The following SLC35F3 variants were observed in gnomAD, a reference collection of about 807,000 sequenced individuals.
SLC35F3 encodes the protein putative thiamine transporter SLC35F3.
A neutral mutation model predicts 49.9 loss-of-function variants in SLC35F3; 25 were observed. That is an observed-to-expected ratio of 0.50 (90% CI 0.37 to 0.70). The LOEUF (loss-of-function observed/expected upper bound fraction) is 0.70. Ranked by LOEUF, SLC35F3 falls within the 30% of genes least tolerant of loss-of-function variation. The probability of loss-of-function intolerance (pLI) is 0.00; values close to 1 mark genes in which losing one functional copy is unlikely to be tolerated. For missense variants in SLC35F3, 525 were observed against 639.8 expected (o/e 0.82, Z 1.94); for synonymous variants, 275 against 265.4 (o/e 1.04, Z -0.35).
At chr1:233,918,333 A>G (rs959439676) in intron 2 of SLC35F3, among the ~76,000 whole-genome samples, 2 of 152,170 alleles carry the variant, frequency 1.3e-5, no homozygotes, top group Non-Finnish European at 2.9e-5. Flanking sequence ...GCTGTGTGTG[A>G]TAACAGTTAT....
rs914314545 is a variant in SLC35F3, at chr1:234,174,918, A to G, written c.284-56499A>G. On this transcript the variant is annotated intron_variant, in intron 2 of 7. Transcript: ENST00000366618. The stretch of plus-strand genomic sequence containing the variant: ...TGTTAGGCAGGGAATGAAGGAGAGA[A>G]GGCTGAGATCTGCATCCAACAAAGA... 2.6e-5 allele frequency among the ~76,000 whole-genome samples: 4 copies of G among 152,374 alleles called. No individual in the cohort carries two copies. The East Asian group carries it at 7.7e-4, about 29-fold the overall frequency.
At chr1:234,249,996 C>T (rs931836026) in intron 3 of SLC35F3, among the ~76,000 whole-genome samples, 1 of 152,026 alleles carries the variant, frequency 6.6e-6, no homozygotes, top group East Asian at 1.9e-4. Context: ...TACAGTATGC[C>T]GTGTCTCCCA....
At chr1:234,108,301 A>ATAT (rs1572054670) in intron 2 of SLC35F3, among the ~76,000 whole-genome samples, 12 of 121,054 alleles carry the variant, frequency 9.9e-5, no homozygotes, top group South Asian at 4.8e-4. Context: ...ATAAAGATAT[A>ATAT]TATTTATATA....
chr1:234,116,033 C>A (rs1665481667), intron 2 of SLC35F3, among the ~76,000 whole-genome samples: 1 of 152,178 alleles, frequency 6.6e-6, no homozygotes, highest in Non-Finnish European at 1.5e-5. Context: ...CAGTTGCATT[C>A]TTTCAAGTCT....
At chr1:233,938,568 A>G (rs913867791) in intron 2 of SLC35F3, among the ~76,000 whole-genome samples, 1 of 152,218 alleles carries the variant, frequency 6.6e-6, no homozygotes, top group African/African-American at 2.4e-5. Context: ...GAAAAAGGTA[A>G]TTATACCTAA....
At chr1:234,000,335 T>C (rs949025978) in intron 2 of SLC35F3, among the ~76,000 whole-genome samples, 3 of 152,236 alleles carry the variant, frequency 2.0e-5, no homozygotes, top group Admixed American at 2.0e-4. Flanking sequence ...TTGCTTTCAA[T>C]ATAGGTTTGA....
chr1:233,980,002 C>T (rs1321028578), intron 2 of SLC35F3, among the ~76,000 whole-genome samples: 1 of 152,136 alleles, frequency 6.6e-6, no homozygotes, highest in East Asian at 1.9e-4. Flanking sequence ...CAGTTGTGCC[C>T]CTCTAAGATA....
At chr1:234,138,437 G>C (rs931792876) in intron 2 of SLC35F3, among the ~76,000 whole-genome samples, 1 of 152,174 alleles carries the variant, frequency 6.6e-6, no homozygotes, top group Admixed American at 6.5e-5. Context: ...GCACACTCAA[G>C]ACCAGCTTTT....
At chr1:234,230,011 G>A (rs979954092) in intron 2 of SLC35F3, among the ~76,000 whole-genome samples, 3 of 152,174 alleles carry the variant, frequency 2.0e-5, no homozygotes, top group African/African-American at 4.8e-5. Flanking sequence ...AGAGGGTGGC[G>A]AGACATTTGG....
rs368817052 is a variant in SLC35F3 at position 234,000,287 on chromosome 1, T to C, written c.283+94529T>C. 2.6e-4 allele frequency among the ~76,000 whole-genome samples: 39 copies of C among 152,324 alleles called. No individual in the cohort carries two copies. The East Asian group carries it at 6.6e-3, about 26-fold the overall frequency. ...TAGGATTGCAGTCCAACTCAGAAAC[T>C]AAAGATGGAATTTAACTCCTTGCCT... On this transcript the variant is annotated intron_variant, in intron 2 of 7. Transcript: ENST00000366618.
intron 2 of SLC35F3, among the ~76,000 whole-genome samples, chr1:234,101,739 A>T (rs1665216284): frequency 1.3e-5 from 2 of 152,230 alleles, no homozygotes; most frequent in Non-Finnish European, 2.9e-5. Context: ...CAAACAAATC[A>T]TGTACCTTTT....
chr1:234,106,667 A>G (rs887283526), intron 2 of SLC35F3, among the ~76,000 whole-genome samples: 1 of 152,154 alleles, frequency 6.6e-6, no homozygotes, highest in African/African-American at 2.4e-5. Context: ...CTTTCTTCAA[A>G]CACATTCACA....
chr1:233,935,540 C>T (rs752503365), intron 2 of SLC35F3, among the ~76,000 whole-genome samples: 8 of 151,992 alleles, frequency 5.3e-5, no homozygotes, highest in East Asian at 3.8e-4. Context: ...CCTAGGTTGA[C>T]GGAGTTTGCT....
At chr1:234,260,986 C>A (rs1667895724) in intron 3 of SLC35F3, among the ~76,000 whole-genome samples, 1 of 152,044 alleles carries the variant, frequency 6.6e-6, no homozygotes, top group Non-Finnish European at 1.5e-5. Flanking sequence ...CACATGAAGC[C>A]AAACCTAGAA....
intron 3 of SLC35F3, among the ~76,000 whole-genome samples, chr1:234,243,059 G>GTGTTT (rs1667578347): frequency 2.6e-5 from 4 of 152,132 alleles, no homozygotes; most frequent in Admixed American, 2.6e-4. Context: ...TTGGTTAAAA[G>GTGTTT]TGTTTTGTTT....
intron 2 of SLC35F3, among the ~76,000 whole-genome samples, chr1:234,126,876 G>A (rs1665656474): frequency 6.6e-6 from 1 of 152,030 alleles, no homozygotes; most frequent in Non-Finnish European, 1.5e-5. Context: ...TTTAATTTTT[G>A]TGTAGAGATG....
At chr1:234,240,690 A>T (rs1384709798) in intron 3 of SLC35F3, among the ~76,000 whole-genome samples, 1 of 152,208 alleles carries the variant, frequency 6.6e-6, no homozygotes, top group Non-Finnish European at 1.5e-5. Context: ...TCATGAGGTC[A>T]TAAAATAATA....
intron 2 of SLC35F3, among the ~76,000 whole-genome samples, chr1:234,097,404 C>G (rs949373384): frequency 1.3e-5 from 2 of 152,094 alleles, no homozygotes; most frequent in Admixed American, 6.5e-5. Flanking sequence ...ACAGCATGAC[C>G]TCATTTCATC....
intron 3 of SLC35F3, among the ~76,000 whole-genome samples, chr1:234,252,728 C>T (rs2102964139): frequency 6.6e-6 from 1 of 152,240 alleles, no homozygotes; most frequent in African/African-American, 2.4e-5. Context: ...GCCATGTTAG[C>T]AAAGCTGAAA....
Sources: allele counts gnomAD v4.1 joint callset (sites outside exome capture counted in the v4.1 genomes callset), GRCh38; gene constraint gnomAD v4.1.1; transcripts MANE v1.5; gene names NCBI Gene and HGNC (gene_info 2026-07-23, HGNC 2026-07-21).